Variants in MGAT5 observed in about 807,000 individuals in gnomAD.
MGAT5 encodes the protein alpha-1,6-mannosylglycoprotein 6-beta-N-acetylglucosaminyltransferase.
Under a neutral mutation model 94.3 loss-of-function variants are expected in MGAT5, and 30 were observed. That is an observed-to-expected ratio of 0.32 (90% CI 0.24 to 0.43). The LOEUF is 0.43. Among genes scored for constraint, MGAT5 ranks in the 20% least tolerant of loss-of-function variants. The pLI, the probability that MGAT5 is intolerant of heterozygous loss-of-function variation, is 1.00. For synonymous variants in MGAT5, 310 were observed against 322.9 expected (o/e 0.96, Z 0.43); for missense variants, 691 against 905.5 (o/e 0.76, Z 3.04).
In MGAT5 at chr2:134,338,569, G is replaced by T. The variant is rs1688461591; in HGVS notation, c.807+149G>T. Reference sequence around the variant, plus strand: ...CAGTCTCTTGTACAGCTGTTTTTGGGTTGTCCTTTCCCCACTTACAATGCT... The same window carrying T: ...CAGTCTCTTGTACAGCTGTTTTTGGTTTGTCCTTTCCCCACTTACAATGCT... On this transcript the variant is annotated intron_variant, in intron 6 of 15. Transcript: ENST00000281923. 2.0e-5 allele frequency: 17 copies of T among 866,266 alleles called. No homozygotes were observed. The South Asian group carries it at 3.9e-4, about 20-fold the overall frequency. 53.7% of individuals were successfully genotyped at this position (866,266 alleles called of 1,614,324 possible).
chr2:134,273,748 A>C (rs796607870), intron 2 of MGAT5, among the ~76,000 whole-genome samples: 6 of 152,074 alleles, frequency 3.9e-5, no homozygotes, highest in Non-Finnish European at 7.4e-5. Flanking sequence ...TTAATGTGAA[A>C]GTAAATTTGC....
chr2:134,403,120 C>T lies in MGAT5; in HGVS notation c.1513C>T (p.Leu505Phe). The T allele has an allele frequency of 6.2e-7, 1 of 1,602,168 alleles. No homozygotes were observed. Among genetic ancestry groups the T allele is most frequent in the Non-Finnish European group, 8.5e-7 (1 of 1,177,466 alleles). Reference protein sequence around the residue: ...GILSGRDLQFLLRETKLFVGL... With the variant: ...GILSGRDLQFFLRETKLFVGL... ...CCTCAGTGGACGGGACCTGCAGTTCCTTCTTCGAGAAACCAAGGTAAAAAT... is the reference window on the plus strand; with the variant it reads ...CCTCAGTGGACGGGACCTGCAGTTCTTTCTTCGAGAAACCAAGGTAAAAAT... The change falls in exon 11 of 16, where the codon CTT (leucine) becomes TTT (phenylalanine). Residue 505 changes from leucine to phenylalanine, a missense_variant. Physicochemically the swap from Leu to Phe is conservative, Grantham distance 22. This residue lies in a region of MGAT5 where 260 missense variants were observed against 347.0 expected (regional missense o/e 0.75). Transcript: ENST00000281923.
intron 2 of MGAT5, among the ~76,000 whole-genome samples, chr2:134,310,036 T>TATCTA (rs1378047520): frequency 6.6e-6 from 1 of 152,214 alleles, no homozygotes; most frequent in Non-Finnish European, 1.5e-5. Context: ...AGTTCTATTC[T>TATCTA]TGAAAAGCTA....
intron 12 of MGAT5, 105 bp downstream of exon 12, chr2:134,413,120 G>A (rs1353316850): frequency 6.8e-6 from 9 of 1,320,818 alleles, no homozygotes; most frequent in Non-Finnish European, 9.5e-6. Context: ...GGGTGGGAGG[G>A]TGAGGGTATA....
intron 10 of MGAT5, among the ~76,000 whole-genome samples, chr2:134,368,291 C>T (rs1267139618): frequency 6.6e-6 from 1 of 152,214 alleles, no homozygotes; most frequent in Non-Finnish European, 1.5e-5. Context: ...ACCGCAGGAT[C>T]GCCAAGTCAG....
chr2:134,327,870 CA>C (rs891462780), intron 4 of MGAT5, among the ~76,000 whole-genome samples: 1 of 151,754 alleles, frequency 6.6e-6, no homozygotes, highest in Admixed American at 6.6e-5. Flanking sequence ...ACATTAAACA[CA>C]AAAAAAGAGC....
At chr2:134,327,328 A>G (rs1280298043) in intron 4 of MGAT5, among the ~76,000 whole-genome samples, 3 of 152,052 alleles carry the variant, frequency 2.0e-5, no homozygotes, top group African/African-American at 7.2e-5. Context: ...TCCATATACT[A>G]TACTTTTTTC....
At chr2:134,176,781 G>C (rs1286442963) in intron 1 of MGAT5, among the ~76,000 whole-genome samples, 1 of 152,102 alleles carries the variant, frequency 6.6e-6, no homozygotes, top group Non-Finnish European at 1.5e-5. Context: ...CAAATACTTG[G>C]TGGACTGGCA....
intron 4 of MGAT5, among the ~76,000 whole-genome samples, chr2:134,323,518 G>A (rs1007234845): frequency 1.3e-5 from 2 of 152,070 alleles, no homozygotes; most frequent in African/African-American, 4.8e-5. Context: ...GGAGAGCCAA[G>A]TCATAGATAG....
chr2:134,136,622 G>A (rs1686423403), intron 1 of MGAT5, among the ~76,000 whole-genome samples: 1 of 152,128 alleles, frequency 6.6e-6, no homozygotes, highest in African/African-American at 2.4e-5. Context: ...TTTGGTAACA[G>A]TATTTCAATA....
At chr2:134,421,522 T>C (rs577635400) in intron 12 of MGAT5, among the ~76,000 whole-genome samples, 2 of 152,030 alleles carry the variant, frequency 1.3e-5, no homozygotes, top group East Asian at 1.9e-4. Flanking sequence ...GAGGCAGAGG[T>C]TGCAGTGAGC....
rs200048384 is a variant in MGAT5 at position 134,270,492 on chromosome 2, A to G, written c.348A>G (p.Ser116=). 1.1e-5 allele frequency: 18 copies of G among 1,614,202 alleles called. No homozygotes were observed. In the East Asian group the frequency reaches 2.9e-4, roughly 26 times the overall value. ...TTGTCAATGGCACCGGAACAAACTC[A>G]ACCAACTCCACTACAGCTGTTCCCA... The part of the protein sequence containing the change: ...NLVVNGTGTN[S]TNSTTAVPSL... Residue 116 remains serine, a synonymous_variant, in exon 2 of 16, where the codon TCA becomes TCG. Transcript: ENST00000281923.
chr2:134,160,544 G>C (rs1687685069), intron 1 of MGAT5, among the ~76,000 whole-genome samples: 1 of 152,212 alleles, frequency 6.6e-6, no homozygotes, highest in Non-Finnish European at 1.5e-5. Context: ...GCAGCTGTTG[G>C]TGTAGGTTAA....
intron 1 of MGAT5, among the ~76,000 whole-genome samples, chr2:134,224,541 A>G (rs1307463337): frequency 6.6e-6 from 1 of 152,200 alleles, no homozygotes; most frequent in African/African-American, 2.4e-5. Flanking sequence ...AAAGCCCTTG[A>G]GAGATTTGAA....
chr2:134,381,859 T>G (rs1189495416), intron 10 of MGAT5, among the ~76,000 whole-genome samples: 5 of 152,262 alleles, frequency 3.3e-5, no homozygotes, highest in Non-Finnish European at 5.9e-5. Flanking sequence ...GATTTTTAGC[T>G]GCTTCCTGGA....
At chr2:134,359,210 G>A (rs1359772038) in intron 9 of MGAT5, among the ~76,000 whole-genome samples, 1 of 152,188 alleles carries the variant, frequency 6.6e-6, no homozygotes, top group Non-Finnish European at 1.5e-5. Context: ...GATCACTCTT[G>A]TGTATTTTGC....
rs1038859896 is a variant in MGAT5 at position 134,254,133 on chromosome 2, T to A, written c.-271T>A. 1.9e-4 allele frequency: 110 copies of A among 573,432 alleles called. No homozygotes were observed. The East Asian group carries it at 3.1e-3, about 16-fold the overall frequency. 35.5% of individuals were successfully genotyped at this position (573,432 alleles called of 1,614,324 possible). A position where few individuals can be genotyped will look rare whatever the true frequency, so the allele number is the denominator to read the frequency against. Reference sequence around the variant, plus strand: ...CCCTCAGCTTACAGTTCCTGAATCATAAGATATTGAACCAGCAAATTTAAG... The same window carrying A: ...CCCTCAGCTTACAGTTCCTGAATCAAAAGATATTGAACCAGCAAATTTAAG... On this transcript the variant is annotated 5_prime_UTR_variant, in exon 1 of 16. Coordinates refer to ENST00000281923, the MANE Select transcript of MGAT5 (RefSeq NM_002410.5).
chr2:134,365,499 A>G (rs1048167724), intron 10 of MGAT5, among the ~76,000 whole-genome samples: 1 of 152,228 alleles, frequency 6.6e-6, no homozygotes, highest in African/African-American at 2.4e-5. Context: ...CGTCTGTGGC[A>G]GGAGGGCGAG....
At chr2:134,304,674 T>C (rs1292861432) in intron 2 of MGAT5, among the ~76,000 whole-genome samples, 1 of 152,202 alleles carries the variant, frequency 6.6e-6, no homozygotes, top group Non-Finnish European at 1.5e-5. Context: ...ACACAAAGCA[T>C]GTTCTTTTCT....
Sources: allele counts gnomAD v4.1 joint callset (sites outside exome capture counted in the v4.1 genomes callset), GRCh38; gene constraint gnomAD v4.1.1; regional missense constraint gnomAD v4.1.1; transcripts MANE v1.5; gene names NCBI Gene and HGNC (gene_info 2026-07-23, HGNC 2026-07-21).